Variants in CC2D2B observed in about 807,000 individuals in gnomAD.
CC2D2B encodes protein CC2D2B.
In CC2D2B, 128 loss-of-function variants were observed where a neutral mutation model predicts 161.2. The ratio of observed to expected loss-of-function variants is 0.79; its 90% CI spans 0.69 to 0.92. CC2D2B has a LOEUF of 0.92. Among genes scored for constraint, CC2D2B ranks in the 40% least tolerant of loss-of-function variants. The pLI is 0.00. For missense variants in CC2D2B, 1,173 were observed against 1,375.1 expected (o/e 0.85, Z 2.32); for synonymous variants, 391 against 449.8 (o/e 0.87, Z 1.65).
intron 23 of CC2D2B, among the ~76,000 whole-genome samples, chr10:95,995,736 C>T (rs965546895): frequency 6.6e-6 from 1 of 152,226 alleles, no homozygotes; most frequent in African/African-American, 2.4e-5. Flanking sequence ...TCCAAAGGAA[C>T]TACGACTTAA....
intron 24 of CC2D2B, among the ~76,000 whole-genome samples, chr10:96,002,162 T>C (rs2078526370): frequency 6.6e-6 from 1 of 152,130 alleles, no homozygotes; most frequent in African/African-American, 2.4e-5. Context: ...ATGAGAAGAC[T>C]TGGGAGTGTT....
chr10:95,930,965 A>C (rs1042629612), intron 6 of CC2D2B, among the ~76,000 whole-genome samples: 2 of 152,186 alleles, frequency 1.3e-5, no homozygotes, highest in African/African-American at 4.8e-5. Context: ...GAATGATATC[A>C]GCTCCTCTTT....
chr10:95,957,246 G>A (rs1464120559), intron 11 of CC2D2B, among the ~76,000 whole-genome samples: 1 of 152,134 alleles, frequency 6.6e-6, no homozygotes, highest in Non-Finnish European at 1.5e-5. Flanking sequence ...TAACCACAGA[G>A]GTGCAATGAG....
chr10:95,973,436 A>C (rs2077206386), intron 16 of CC2D2B, among the ~76,000 whole-genome samples: 1 of 152,168 alleles, frequency 6.6e-6, no homozygotes, highest in African/African-American at 2.4e-5. Context: ...GAGAATGGTT[A>C]AGAAGCCTCC....
intron 11 of CC2D2B, among the ~76,000 whole-genome samples, chr10:95,955,919 C>T (rs1011460042): frequency 2.8e-4 from 42 of 152,114 alleles, no homozygotes; most frequent in African/African-American, 9.9e-4. Context: ...GAGCCATTGG[C>T]TTATAGACTG....
intron 25 of CC2D2B, among the ~76,000 whole-genome samples, chr10:96,006,811 C>G (rs556070541): frequency 6.6e-6 from 1 of 152,142 alleles, no homozygotes; most frequent in Non-Finnish European, 1.5e-5. Flanking sequence ...ATCAGAGTGC[C>G]TGGCCCTGCT....
chr10:95,968,786 A>G lies in CC2D2B; in HGVS notation c.1529A>G (p.Asn510Ser). The G allele has an allele frequency of 8.3e-7, 1 of 1,211,402 alleles. No individual in the cohort carries two copies. The highest frequency in any genetic ancestry group is 1.6e-5 in the African/African-American group (1 of 64,118). 75.0% of individuals were successfully genotyped at this position (1,211,402 alleles called of 1,614,324 possible). Residue 510 changes from asparagine (N) to serine (S), a missense_variant, in exon 15 of 35, where the codon AAC (asparagine) becomes AGC (serine). Asn to Ser is a conservative substitution (Grantham distance 46). Coordinates refer to ENST00000646931, the MANE Select transcript of CC2D2B (RefSeq NM_001349008.3). The part of the protein sequence containing the change: ...KLKYFIKIFY[N>S]NKQVSCTSVS... ...AAATACTTTATTAAAATATTTTACA[A>G]CAATAAACAGGTTTCTTGTACTTCA...
At chr10:95,958,213 G>A (rs574228414) in intron 11 of CC2D2B, among the ~76,000 whole-genome samples, 15 of 152,160 alleles carry the variant, frequency 9.9e-5, no homozygotes, top group East Asian at 3.9e-4. Flanking sequence ...AAAATAGGCC[G>A]GGCGTGTTGG....
At chr10:95,912,164 T>C (rs1054921320) in intron 2 of CC2D2B, among the ~76,000 whole-genome samples, 1 of 152,186 alleles carries the variant, frequency 6.6e-6, no homozygotes, top group Non-Finnish European at 1.5e-5. Flanking sequence ...AACTGCACAT[T>C]AGTTTGGTTA....
At chr10:95,950,541 A>G (rs2076364185) in intron 10 of CC2D2B, 2 of 152,568 alleles carry the variant, frequency 1.3e-5, no homozygotes, top group Admixed American at 1.3e-4. Flanking sequence ...GAAGAGAAAT[A>G]GAAGGAGTAC....
chr10:96,025,043 T>C, intron 33 of CC2D2B, 132 bp downstream of exon 33: 1 of 444,030 alleles, frequency 2.3e-6, no homozygotes, highest in South Asian at 3.0e-5. Flanking sequence ...GCCCAGTGGC[T>C]CACACCTATA....
At chr10:96,023,861 A>G (rs146630469) in intron 32 of CC2D2B, among the ~76,000 whole-genome samples, 2 of 152,348 alleles carry the variant, frequency 1.3e-5, no homozygotes, top group South Asian at 2.1e-4. Flanking sequence ...GGTGAGGGCC[A>G]AGAATTTGTG....
intron 24 of CC2D2B, chr10:95,999,745 C>CTTTTTTTT (rs746798457): frequency 1.2e-5 from 2 of 171,582 alleles, no homozygotes; most frequent in African/African-American, 5.8e-5. Context: ...GTCCAGAGGT[C>CTTTTTTTT]TTTTTTTTTT....
chr10:95,922,031 G>C lies in CC2D2B; in HGVS notation c.52G>C (p.Asp18His). 6.5e-7 allele frequency: 1 copy of C among 1,542,760 alleles called. No individual in the cohort carries two copies. The highest frequency in any genetic ancestry group is 1.2e-5 in the South Asian group (1 of 82,526). ...TTTTTTGCAGATGTCAGAAGAGATGGATAATATTACAGCTGAAGAAATTAT... is the reference window on the plus strand; with the variant it reads ...TTTTTTGCAGATGTCAGAAGAGATGCATAATATTACAGCTGAAGAAATTAT... ...DIFKKMSEEMDNITAEEIIDK... is the reference protein window; with the variant it reads ...DIFKKMSEEMHNITAEEIIDK... The change falls in exon 3 of 35, where the codon GAT becomes CAT. Residue 18 changes from aspartate to histidine, a missense_variant. Asp to His is a moderately conservative substitution (Grantham distance 81). Around this residue, in one of 3 missense-constraint regions of CC2D2B, gnomAD observed 298 missense variants for 261.2 expected, o/e 1.14. Coordinates refer to ENST00000646931, the MANE Select transcript of CC2D2B (RefSeq NM_001349008.3).
chr10:95,957,423 A>G (rs554202461), intron 11 of CC2D2B, among the ~76,000 whole-genome samples: 95 of 152,244 alleles, frequency 6.2e-4, no homozygotes, highest in Non-Finnish European at 9.3e-4. Flanking sequence ...ATTTAAAAGC[A>G]ACTGCATATA....
chr10:95,934,473 C>T (rs1334600537), intron 6 of CC2D2B, among the ~76,000 whole-genome samples: 1 of 152,034 alleles, frequency 6.6e-6, no homozygotes, highest in Non-Finnish European at 1.5e-5. Context: ...AAAAAAACCT[C>T]TTGAAGCTAC....
At chr10:95,927,711 T>C (rs1216011528) in intron 6 of CC2D2B, among the ~76,000 whole-genome samples, 1 of 151,762 alleles carries the variant, frequency 6.6e-6, no homozygotes, top group South Asian at 2.1e-4. Flanking sequence ...TCTTTCTTTT[T>C]TTTTTTTTGT....
In CC2D2B at chr10:95,983,591, CTT is replaced by C; in HGVS notation, c.2083-13_2083-12del. The C allele has an allele frequency of 8.4e-7, 1 of 1,191,964 alleles. No homozygotes were observed. The highest frequency in any genetic ancestry group is 1.1e-6 in the Non-Finnish European group (1 of 951,492). The allele number at this position is 1,191,964 out of a possible 1,614,324, so 73.8% of individuals were successfully genotyped here. ...AAAAAATTAATATTTTAACTAAAGA[CTT>C]TGCGTTTTACAGTACATGAGACTTA... On this transcript the variant is annotated splice_polypyrimidine_tract_variant and intron_variant, in intron 18 of 34. Transcript: ENST00000646931.
At chr10:95,916,636 C>T (rs959620060) in intron 2 of CC2D2B, among the ~76,000 whole-genome samples, 2 of 151,828 alleles carry the variant, frequency 1.3e-5, no homozygotes, top group Admixed American at 1.3e-4. Flanking sequence ...TTCTTAATTT[C>T]TTCATTGAGC....
Sources: allele counts gnomAD v4.1 joint callset (sites outside exome capture counted in the v4.1 genomes callset), GRCh38; gene constraint gnomAD v4.1.1; regional missense constraint gnomAD v4.1.1; transcripts MANE v1.5; gene names NCBI Gene and HGNC (gene_info 2026-07-23, HGNC 2026-07-21).